Variants in CSGALNACT1 observed in about 807,000 individuals in gnomAD.
CSGALNACT1 encodes chondroitin sulfate N-acetylgalactosaminyltransferase 1.
Under a neutral mutation model 51.0 loss-of-function variants are expected in CSGALNACT1, and 52 were observed. The observed-to-expected ratio is 1.02, with a 90% CI of 0.82 to 1.29. The LOEUF (loss-of-function observed/expected upper bound fraction) is 1.29. Ranked by LOEUF, CSGALNACT1 falls within the 50% of genes most tolerant of loss-of-function variation. CSGALNACT1 has a pLI of 0.00. For missense variants in CSGALNACT1, 935 were observed against 679.2 expected (o/e 1.38, Z -4.19); for synonymous variants, 341 against 254.4 (o/e 1.34, Z -3.24).
At chr8:19,408,495 T>TTG in intron 9 of CSGALNACT1, 118 bp downstream of exon 8, 1 of 411,486 alleles carries the variant, frequency 2.4e-6, no homozygotes. Flanking sequence ...TTTTTTTTTT[T>TTG]TTGAAGGCAA....
intron 1 of CSGALNACT1, among the ~76,000 whole-genome samples, chr8:19,615,132 C>G (rs562509119): frequency 6.6e-6 from 1 of 152,120 alleles, no homozygotes. Context: ...GGTGAAACCC[C>G]ATCCCTCCTA....
chr8:19,530,492 A>G (rs1414599833), intron 3 of CSGALNACT1, among the ~76,000 whole-genome samples: 1 of 152,234 alleles, frequency 6.6e-6, no homozygotes, highest in African/African-American at 2.4e-5. Flanking sequence ...CATTATAATC[A>G]TGACATGTAA....
At chr8:19,407,470 C>G (rs536269854) in intron 9 of CSGALNACT1, among the ~76,000 whole-genome samples, 7 of 152,280 alleles carry the variant, frequency 4.6e-5, no homozygotes, top group African/African-American at 1.7e-4. Flanking sequence ...CGTTTCGGGA[C>G]TGTTCATTCA....
intron 4 of CSGALNACT1, among the ~76,000 whole-genome samples, chr8:19,477,027 C>G (rs1204357362): frequency 1.3e-5 from 2 of 152,182 alleles, no homozygotes; most frequent in African/African-American, 4.8e-5. Flanking sequence ...TAATAACTCA[C>G]TAAAATTCCA....
intron 1 of CSGALNACT1, among the ~76,000 whole-genome samples, chr8:19,623,349 A>G (rs1279196197): frequency 6.6e-6 from 1 of 152,240 alleles, no homozygotes; most frequent in Non-Finnish European, 1.5e-5. Context: ...TCACAGAGGA[A>G]ACAGGAAAAA....
intron 1 of CSGALNACT1, among the ~76,000 whole-genome samples, chr8:19,734,383 G>C (rs1012323395): frequency 4.6e-5 from 7 of 152,158 alleles, no homozygotes; most frequent in African/African-American, 7.2e-5. Flanking sequence ...CAATGAATCA[G>C]ATCATAAGGT....
intron 3 of CSGALNACT1, among the ~76,000 whole-genome samples, chr8:19,512,546 C>G (rs1284960017): frequency 6.6e-6 from 1 of 152,182 alleles, no homozygotes; most frequent in Non-Finnish European, 1.5e-5. Flanking sequence ...CAACCATACA[C>G]TATTTTTCAT....
At chr8:19,465,991 C>A (rs2066587557) in intron 4 of CSGALNACT1, among the ~76,000 whole-genome samples, 1 of 152,214 alleles carries the variant, frequency 6.6e-6, no homozygotes, top group Non-Finnish European at 1.5e-5. Context: ...GCAAAACTCA[C>A]TGTACCCAGA....
At chr8:19,615,672 A>C (rs2052902118) in intron 1 of CSGALNACT1, among the ~76,000 whole-genome samples, 1 of 152,276 alleles carries the variant, frequency 6.6e-6, no homozygotes, top group South Asian at 2.1e-4. Context: ...CCTAACAAAG[A>C]CAAAGATTTT....
intron 1 of CSGALNACT1, among the ~76,000 whole-genome samples, chr8:19,644,521 C>G (rs1237131691): frequency 6.6e-6 from 1 of 150,932 alleles, no homozygotes; most frequent in Non-Finnish European, 1.5e-5. Flanking sequence ...ACCAGCCTGG[C>G]CAACATGGTA....
At chr8:19,584,129 C>A (rs1399126013) in intron 3 of CSGALNACT1, among the ~76,000 whole-genome samples, 1 of 152,166 alleles carries the variant, frequency 6.6e-6, no homozygotes, top group Non-Finnish European at 1.5e-5. Flanking sequence ...TTCTGTGATC[C>A]ACCCAGACTT....
At chr8:19,639,313 T>C (rs2056468116) in intron 1 of CSGALNACT1, among the ~76,000 whole-genome samples, 2 of 152,198 alleles carry the variant, frequency 1.3e-5, no homozygotes, top group Admixed American at 6.5e-5. Context: ...GACAAACATG[T>C]CTACATCATG....
rs1342942528 is a variant in CSGALNACT1 at position 19,563,428 on chromosome 8, T to C, written c.-297+27732A>G. Among the ~76,000 whole-genome samples, 5 of 152,276 alleles carry C rather than the reference T, an allele frequency of 3.3e-5. No homozygotes were observed. The East Asian group carries it at 9.6e-4, about 29-fold the overall frequency. ...ATATCCTGCACGTGTAACCTGGAAC[T>C]TAAAAATTTTTTAAATAGAAAAATA... On this transcript the variant is annotated intron_variant, in intron 3 of 9. Coordinates refer to ENST00000454498, the Ensembl canonical transcript of CSGALNACT1.
At chr8:19,517,322 C>A (rs148116449) in intron 3 of CSGALNACT1, among the ~76,000 whole-genome samples, 1,936 of 152,170 alleles carry the variant, frequency 0.013, 17 homozygotes, top group Non-Finnish European at 0.019. Flanking sequence ...TGCCTGTAAT[C>A]CCAGTTGCTC....
intron 2 of CSGALNACT1, among the ~76,000 whole-genome samples, chr8:19,599,837 T>G (rs1436666756): frequency 6.6e-6 from 1 of 152,170 alleles, no homozygotes; most frequent in African/African-American, 2.4e-5. Flanking sequence ...GAAACCAACG[T>G]GCACATTGAG....
At chr8:19,486,193 T>C (rs937264160) in intron 4 of CSGALNACT1, among the ~76,000 whole-genome samples, 1 of 152,128 alleles carries the variant, frequency 6.6e-6, no homozygotes, top group African/African-American at 2.4e-5. Context: ...GGTGTGCCTT[T>C]AGGCTGGCTT....
intron 6 of CSGALNACT1, among the ~76,000 whole-genome samples, chr8:19,438,462 G>A (rs1359650788): frequency 6.6e-6 from 1 of 152,198 alleles, no homozygotes; most frequent in Non-Finnish European, 1.5e-5. Flanking sequence ...TATGTCACCT[G>A]CATTTAGGAT....
intron 3 of CSGALNACT1, among the ~76,000 whole-genome samples, chr8:19,541,644 C>T (rs1176462074): frequency 1.4e-5 from 2 of 145,504 alleles, no homozygotes; most frequent in Admixed American, 1.4e-4. Flanking sequence ...AGGTGATGCA[C>T]CCTGTGTTGG....
intron 1 of CSGALNACT1, among the ~76,000 whole-genome samples, chr8:19,647,469 C>T (rs1243703868): frequency 1.3e-5 from 2 of 152,160 alleles, no homozygotes; most frequent in Non-Finnish European, 2.9e-5. Flanking sequence ...TTATCTGTAT[C>T]TTGGCATGTT....
Sources: gnomAD v4.1 joint callset for allele counts (sites outside exome capture counted in the v4.1 genomes callset) on GRCh38, gnomAD v4.1.1 for gene constraint, MANE v1.5 for transcripts, NCBI Gene and HGNC (gene_info 2026-07-23, HGNC 2026-07-21) for gene names.